Variants in PIK3R5 observed in about 807,000 individuals in gnomAD.
PIK3R5 encodes the protein phosphoinositide 3-kinase regulatory subunit 5.
PIK3R5 carries 32 observed loss-of-function variants against 94.9 expected under a neutral mutation model. That is an observed-to-expected ratio of 0.34 (90% CI 0.25 to 0.45). The LOEUF (loss-of-function observed/expected upper bound fraction) is 0.45, where lower values mean the gene tolerates loss of function less well. Among genes scored for constraint, PIK3R5 ranks in the 20% least tolerant of loss-of-function variants. The pLI, the probability that PIK3R5 is intolerant of heterozygous loss-of-function variation, is 1.00. For missense variants in PIK3R5, 853 were observed against 1,144.6 expected (o/e 0.75, Z 3.68); for synonymous variants, 443 against 479.4 (o/e 0.92, Z 0.99).
At chr17:8,917,551 T>C (rs949725244) in intron 1 of PIK3R5, among the ~76,000 whole-genome samples, 4 of 152,168 alleles carry the variant, frequency 2.6e-5, no homozygotes, top group South Asian at 2.1e-4. Flanking sequence ...ATGTTTCTCA[T>C]ATGAATGTGA....
chr17:8,894,448 G>A (rs1597382492), intron 5 of PIK3R5, among the ~76,000 whole-genome samples: 1 of 152,160 alleles, frequency 6.6e-6, no homozygotes, highest in Non-Finnish European at 1.5e-5. Context: ...GGAGTCCGGG[G>A]ATCGGGAAGG....
chr17:8,930,125 C>G lies in PIK3R5; in HGVS notation c.-13-18618G>C, dbSNP rs528363303. On this transcript the variant is annotated intron_variant, in intron 1 of 18. Coordinates refer to ENST00000447110, the MANE Select transcript of PIK3R5 (RefSeq NM_001142633.3). ...CATGTTAGAGCACTCCACCTAACAA[C>G]AGCAGAATACACATTTTTTTCAAGT... Among the ~76,000 whole-genome samples the G allele has an allele frequency of 5.9e-5, 9 of 152,286 alleles. No individual in the cohort carries two copies. In the East Asian group the frequency reaches 1.5e-3, roughly 26 times the overall value.
intron 5 of PIK3R5, among the ~76,000 whole-genome samples, chr17:8,901,174 T>G (rs1013160262): frequency 6.6e-6 from 1 of 152,166 alleles, no homozygotes; most frequent in African/African-American, 2.4e-5. Context: ...AACTGGCGTG[T>G]TCCTTTAGGG....
chr17:8,892,801 A>C lies in PIK3R5; in HGVS notation c.482+785T>G, dbSNP rs1302066766. ...TGGGAATGAGGAGGGCCGGGGGCCT[A>C]TAATTTCTGAGGTGGTGAAGGCCGG... On this transcript the variant is annotated intron_variant, in intron 6 of 18. Coordinates refer to ENST00000447110, the MANE Select transcript of PIK3R5 (RefSeq NM_001142633.3). This position sits in a 1 kb window ranked among gnomAD's most constrained non-coding sequence, Gnocchi z 4.3. 2.6e-5 allele frequency among the ~76,000 whole-genome samples: 4 copies of C among 152,126 alleles called. No individual in the cohort carries two copies. The highest frequency in any genetic ancestry group is 5.9e-5 in the Non-Finnish European group (4 of 68,024).
chr17:8,910,613 C>T (rs544118555), intron 2 of PIK3R5, among the ~76,000 whole-genome samples: 33 of 152,272 alleles, frequency 2.2e-4, no homozygotes, highest in African/African-American at 7.9e-4. Context: ...TGGGAGATAG[C>T]TTTAATCCAG....
At chr17:8,931,625 G>T (rs2151441669) in intron 1 of PIK3R5, among the ~76,000 whole-genome samples, 1 of 152,276 alleles carries the variant, frequency 6.6e-6, no homozygotes, top group South Asian at 2.1e-4. Context: ...GGACTGTGTG[G>T]GGCAAGGAAC....
intron 14 of PIK3R5, chr17:8,885,220 AC>A: frequency 1.8e-5 from 3 of 167,304 alleles, no homozygotes; most frequent in Non-Finnish European, 3.6e-5. Context: ...CTCCCATGTA[AC>A]CCCCCTTCCC....
At chr17:8,936,758 T>A (rs2091084948) in intron 1 of PIK3R5, among the ~76,000 whole-genome samples, 1 of 152,204 alleles carries the variant, frequency 6.6e-6, no homozygotes, top group Non-Finnish European at 1.5e-5. Flanking sequence ...TTTCTTTTCA[T>A]ATAAGTGTTA....
chr17:8,918,225 T>G (rs950946938), intron 1 of PIK3R5, among the ~76,000 whole-genome samples: 1 of 152,212 alleles, frequency 6.6e-6, no homozygotes, highest in Admixed American at 6.5e-5. Flanking sequence ...TAAATACCAT[T>G]TTCCAATAAA....
At chr17:8,905,829 TTC>T in intron 3 of PIK3R5, 92 bp from the exon 4 acceptor site, 27 of 644,154 alleles carry the variant, frequency 4.2e-5, no homozygotes, top group South Asian at 5.1e-5. Flanking sequence ...ATTCTAGCCT[TTC>T]TTTTTTTTTT....
At chr17:8,943,101 G>T (rs188856828) in intron 1 of PIK3R5, among the ~76,000 whole-genome samples, 1 of 151,678 alleles carries the variant, frequency 6.6e-6, no homozygotes, top group Non-Finnish European at 1.5e-5. Flanking sequence ...AGGAGACAGG[G>T]TCTCGCTCTG....
At chr17:8,947,089 CA>C (rs2091286260) in intron 1 of PIK3R5, among the ~76,000 whole-genome samples, 1 of 151,392 alleles carries the variant, frequency 6.6e-6, no homozygotes, top group Non-Finnish European at 1.5e-5. Flanking sequence ...GAGAGAAGCG[CA>C]TGGGATGGGA....
chr17:8,886,345 C>T lies in PIK3R5; in HGVS notation c.2035-23G>A, dbSNP rs374579951. 3.1e-6 allele frequency: 5 copies of T among 1,605,402 alleles called. No homozygotes were observed. The African/African-American group carries it at 4.0e-5, about 13-fold the overall frequency. ...CAGCTGGAGAGGGCAGGAGCATGTA[C>T]ATCAGTGTGAACCTCCTGGAGGGGC... On this transcript the variant is annotated intron_variant, in intron 13 of 18. Transcript: ENST00000447110.
rs1291237802 is a variant in PIK3R5, at chr17:8,941,815, A to G, written c.-14+23781T>C. ...CCTGTCACCACCTGTCAGCCAGTTC[A>G]TCCTACGGCCTCCCTCAATCCTGCC... On this transcript the variant is annotated intron_variant, in intron 1 of 18. Transcript: ENST00000447110. Among the ~76,000 whole-genome samples, 6 of 152,184 alleles carry G rather than the reference A, an allele frequency of 3.9e-5. No individual in the cohort carries two copies. In the East Asian group the frequency reaches 1.2e-3, roughly 29 times the overall value.
In PIK3R5 at chr17:8,881,588, A is replaced by AGTAG. The variant is rs2089662053; in HGVS notation, c.2382+41_2382+42insCTAC. On this transcript the variant is annotated intron_variant, in intron 17 of 18. Transcript: ENST00000447110. This position sits in a 1 kb window ranked among gnomAD's most constrained non-coding sequence, Gnocchi z 4.8. ...ACATACGCACATGCACGCTCCAGTAAGTCTCTTGAGGGTATGGCTGGAAGG... is the reference window on the plus strand; with the variant it reads ...ACATACGCACATGCACGCTCCAGTAAGTAGGTCTCTTGAGGGTATGGCTGGAAGG... 1 of 1,521,730 alleles carries AGTAG rather than the reference A, an allele frequency of 6.6e-7. No individual in the cohort carries two copies. 94.3% of individuals were successfully genotyped at this position (1,521,730 alleles called of 1,614,324 possible). A position where few individuals can be genotyped will look rare whatever the true frequency, so the allele number is the denominator to read the frequency against.
At chr17:8,901,583 C>T (rs1297872905) in intron 5 of PIK3R5, among the ~76,000 whole-genome samples, 1 of 152,186 alleles carries the variant, frequency 6.6e-6, no homozygotes, top group African/African-American at 2.4e-5. Context: ...AGATTTGGTA[C>T]TTCTGTTCTG....
chr17:8,943,531 G>T (rs1462541365), intron 1 of PIK3R5, among the ~76,000 whole-genome samples: 3 of 152,174 alleles, frequency 2.0e-5, no homozygotes, highest in Non-Finnish European at 4.4e-5. Flanking sequence ...CCAGCACTTT[G>T]GGAGGCCGAG....
chr17:8,910,489 C>T (rs1048652245), intron 2 of PIK3R5, among the ~76,000 whole-genome samples: 4 of 152,172 alleles, frequency 2.6e-5, no homozygotes, highest in African/African-American at 9.6e-5. Context: ...CATTGAGGAT[C>T]CCACTGTCCC....
rs533313466 is a variant in PIK3R5 at position 8,953,983 on chromosome 17, G to C, written c.-14+11613C>G. Among the ~76,000 whole-genome samples the C allele has an allele frequency of 8.6e-5, 13 of 151,900 alleles. No homozygotes were observed. The East Asian group carries it at 2.5e-3, about 29-fold the overall frequency. Reference sequence around the variant, plus strand: ...TCCATCATGCATGAGCTCTGAATTGGAATGGGGGAGTTATCGCTCCTGGGG... The same window carrying C: ...TCCATCATGCATGAGCTCTGAATTGCAATGGGGGAGTTATCGCTCCTGGGG... On this transcript the variant is annotated intron_variant, in intron 1 of 18. Coordinates refer to ENST00000447110, the MANE Select transcript of PIK3R5 (RefSeq NM_001142633.3).
Sources: allele counts gnomAD v4.1 joint callset (sites outside exome capture counted in the v4.1 genomes callset), GRCh38; gene constraint gnomAD v4.1.1; non-coding constraint Gnocchi (gnomAD v3.1); transcripts MANE v1.5; gene names NCBI Gene and HGNC (gene_info 2026-07-23, HGNC 2026-07-21).